The following SCAPER variants were observed in gnomAD, a reference collection of about 807,000 sequenced individuals.
SCAPER encodes S-phase cyclin A associated protein in the ER, also known as S phase cyclin A-associated protein in the endoplasmic reticulum.
Under a neutral mutation model 182.2 loss-of-function variants are expected in SCAPER, and 98 were observed. The ratio of observed to expected loss-of-function variants is 0.54; its 90% CI spans 0.46 to 0.64. The LOEUF is 0.64. Ranked by LOEUF, SCAPER falls within the 30% of genes least tolerant of loss-of-function variation. SCAPER has a pLI of 0.00. For synonymous variants in SCAPER, 605 were observed against 564.6 expected (o/e 1.07, Z -1.01); for missense variants, 1,432 against 1,690.0 (o/e 0.85, Z 2.68).
chr15:76,522,373 T>C lies in SCAPER; in HGVS notation c.2839-17399A>G, dbSNP rs573422394. ...CACCAGTAGGAAGTCAGTTACAAGA[T>C]TGCTGATTTCAATTCTATCAATAAA... On this transcript the variant is annotated intron_variant, in intron 23 of 31. Transcript: ENST00000563290. Among the ~76,000 whole-genome samples the C allele has an allele frequency of 7.0e-4, 106 of 152,252 alleles. 3 individuals are homozygous for C. The South Asian group carries it at 0.019, about 27-fold the overall frequency.
intron 14 of SCAPER, among the ~76,000 whole-genome samples, chr15:76,758,106 C>T (rs543006051): frequency 2.4e-4 from 36 of 151,968 alleles, no homozygotes; most frequent in Middle Eastern, 6.8e-3. Flanking sequence ...TATAATTCCA[C>T]GTGTCTAATT....
chr15:76,388,295 G>T (rs1283202962), intron 27 of SCAPER, among the ~76,000 whole-genome samples: 1 of 152,098 alleles, frequency 6.6e-6, no homozygotes, highest in African/African-American at 2.4e-5. Flanking sequence ...ATAAATCTAT[G>T]GAAAATTTTC....
chr15:76,389,493 T>A (rs1457795776), intron 27 of SCAPER, among the ~76,000 whole-genome samples: 1 of 63,288 alleles, frequency 1.6e-5, no homozygotes, highest in Non-Finnish European at 2.7e-5. Flanking sequence ...AAAGCAAGAC[T>A]CCGTCTCAAA....
chr15:76,768,841 T>A (rs926241294), intron 10 of SCAPER, among the ~76,000 whole-genome samples: 20 of 145,244 alleles, frequency 1.4e-4, no homozygotes, highest in African/African-American at 4.6e-4. Flanking sequence ...AAAAAAAAAA[T>A]ATATATATAC....
chr15:76,723,804 G>A (rs2150986157), intron 17 of SCAPER, among the ~76,000 whole-genome samples: 1 of 152,054 alleles, frequency 6.6e-6, no homozygotes, highest in South Asian at 2.1e-4. Flanking sequence ...CCTTTTTTGT[G>A]AGCCTATGTG....
intron 23 of SCAPER, among the ~76,000 whole-genome samples, chr15:76,536,414 G>C (rs1193179388): frequency 6.6e-6 from 1 of 152,064 alleles, no homozygotes; most frequent in Non-Finnish European, 1.5e-5. Flanking sequence ...GTGTGACCTT[G>C]GTCAAATTAG....
At chr15:76,442,406 A>G (rs557043209) in intron 25 of SCAPER, among the ~76,000 whole-genome samples, 43 of 152,336 alleles carry the variant, frequency 2.8e-4, no homozygotes, top group African/African-American at 7.9e-4. Flanking sequence ...TATTTGTCCA[A>G]TGAAAGAATG....
chr15:76,621,485 G>A (rs202180714), intron 22 of SCAPER, among the ~76,000 whole-genome samples: 1 of 92,800 alleles, frequency 1.1e-5, no homozygotes, highest in African/African-American at 3.8e-5. Flanking sequence ...ACAGTTCTTT[G>A]TGAGGGTTGT....
chr15:76,443,750 T>G (rs206205), intron 25 of SCAPER, among the ~76,000 whole-genome samples: 81,027 of 152,086 alleles, frequency 0.53, 22,253 homozygotes, highest in Non-Finnish European at 0.6. Context: ...CCAGCTCAGC[T>G]GCAGACAAGA....
chr15:76,443,285 T>C (rs187015679), intron 25 of SCAPER, among the ~76,000 whole-genome samples: 1 of 152,338 alleles, frequency 6.6e-6, no homozygotes, highest in African/African-American at 2.4e-5. Context: ...CAACTTGTTA[T>C]AACATGTCTG....
chr15:76,748,039 G>A (rs1025621801), intron 15 of SCAPER, among the ~76,000 whole-genome samples: 2 of 148,110 alleles, frequency 1.4e-5, no homozygotes, highest in African/African-American at 5.0e-5. Flanking sequence ...TGCCCAGGCT[G>A]GAGTACAATG....
At chr15:76,806,119 T>C (rs1041664796) in intron 5 of SCAPER, among the ~76,000 whole-genome samples, 4 of 152,216 alleles carry the variant, frequency 2.6e-5, no homozygotes, top group Middle Eastern at 6.3e-3. Context: ...TTGGGTGTCA[T>C]AGTCCAAGGT....
At chr15:76,514,606 G>A (rs1003842339) in intron 23 of SCAPER, among the ~76,000 whole-genome samples, 3 of 152,172 alleles carry the variant, frequency 2.0e-5, no homozygotes, top group Non-Finnish European at 4.4e-5. Flanking sequence ...GGTGGCAGAT[G>A]GGGAAAACTG....
In SCAPER at chr15:76,835,266, T is replaced by TA. The variant is rs746357893; in HGVS notation, c.393+6467_393+6468insT. 5.8e-4 allele frequency among the ~76,000 whole-genome samples: 88 copies of TA among 151,194 alleles called. 1 individual carries two copies. The South Asian group carries it at 8.0e-3, about 14-fold the overall frequency. ...GCCAATATCCCTGATGAACACAGAT[T>TA]TAAAAAAAAAGAAAGAAAAACAAAA... On this transcript the variant is annotated intron_variant, in intron 5 of 31. Coordinates refer to ENST00000563290, the MANE Select transcript of SCAPER (RefSeq NM_020843.4).
At chr15:76,431,676 C>CAA (rs60675828) in intron 26 of SCAPER, among the ~76,000 whole-genome samples, 3 of 47,124 alleles carry the variant, frequency 6.4e-5, no homozygotes, top group Admixed American at 3.2e-4. Flanking sequence ...AAATGATTAG[C>CAA]AAAAAAAAAA....
At chr15:76,518,753 C>T (rs2042629644) in intron 23 of SCAPER, among the ~76,000 whole-genome samples, 1 of 152,166 alleles carries the variant, frequency 6.6e-6, no homozygotes, top group African/African-American at 2.4e-5. Context: ...TTCAAGGTAC[C>T]CACATTAATC....
intron 17 of SCAPER, among the ~76,000 whole-genome samples, chr15:76,720,885 C>G (rs977254980): frequency 5.9e-5 from 9 of 152,276 alleles, no homozygotes; most frequent in African/African-American, 1.4e-4. Flanking sequence ...TGCCTGTTCA[C>G]TCTGATGGTG....
intron 10 of SCAPER, among the ~76,000 whole-genome samples, chr15:76,769,251 GCTAACATGGTGAAA>G (rs764054350): frequency 4.0e-5 from 6 of 151,818 alleles, no homozygotes; most frequent in Admixed American, 2.0e-4. Flanking sequence ...GACCAGCCTG[GCTAACATGGTGAAA>G]CCCCGTTTCT....
At chr15:76,535,535 A>G (rs2044077025) in intron 23 of SCAPER, among the ~76,000 whole-genome samples, 1 of 151,212 alleles carries the variant, frequency 6.6e-6, no homozygotes. Flanking sequence ...AAAAAAAAAA[A>G]AAAAAAAAAA....
Sources: allele counts gnomAD v4.1 joint callset (sites outside exome capture counted in the v4.1 genomes callset), GRCh38; gene constraint gnomAD v4.1.1; transcripts MANE v1.5; gene names NCBI Gene and HGNC (gene_info 2026-07-23, HGNC 2026-07-21).